The following CEP350 variants were observed in gnomAD, a reference collection of about 807,000 sequenced individuals.
The protein encoded by CEP350 is centrosomal protein 350, also known as centrosome-associated protein 350.
In CEP350, 126 loss-of-function variants were observed where a neutral mutation model predicts 331.8. The ratio of observed to expected loss-of-function variants is 0.38; its 90% CI spans 0.33 to 0.44. The LOEUF (loss-of-function observed/expected upper bound fraction) is 0.44, where lower values mean the gene tolerates loss of function less well. CEP350 is among the 20% of genes least tolerant of loss of function. The probability of loss-of-function intolerance (pLI) is 1.00; values close to 1 mark genes in which losing one functional copy is unlikely to be tolerated. For missense variants in CEP350, 3,406 were observed against 3,634.6 expected (o/e 0.94, Z 1.62); for synonymous variants, 1,200 against 1,259.5 (o/e 0.95, Z 1.00).
chr1:180,038,417 G>A (rs1359929115), intron 17 of CEP350, among the ~76,000 whole-genome samples: 1 of 152,150 alleles, frequency 6.6e-6, no homozygotes, highest in Non-Finnish European at 1.5e-5. Context: ...ACCTAGGAGT[G>A]GAATTGCTTG....
intron 7 of CEP350, among the ~76,000 whole-genome samples, chr1:180,004,902 GCTTGCTTTCTTTCTTT>G (rs1403993335): frequency 4.8e-5 from 6 of 125,502 alleles, no homozygotes; most frequent in African/African-American, 1.7e-4. Context: ...TTGCTTGCTT[GCTTGCTTTCTTTCTTT>G]CTTTCTTTCT....
At position 180,019,939 on chromosome 1, in the gene CEP350, TC is replaced by T. The variant is rs1571876569; in HGVS notation, c.2175-9del. ...TTAGTTAACTAACATATTGTGACTT[TC>T]ATTTCCAGAAAAGACTTGATGGAAT... On this transcript the variant is annotated splice_polypyrimidine_tract_variant and intron_variant, in intron 11 of 37. Transcript: ENST00000367607. The T allele has an allele frequency of 6.4e-7, 1 of 1,559,046 alleles. No homozygotes were observed.
chr1:180,024,825 A>G (rs1433942673), intron 14 of CEP350, among the ~76,000 whole-genome samples: 1 of 147,244 alleles, frequency 6.8e-6, no homozygotes, highest in Non-Finnish European at 1.5e-5. Context: ...ACACTCTTCA[A>G]AGAAAGACAA....
chr1:180,062,227 TA>T lies in CEP350; in HGVS notation c.5274del (p.Lys1758AsnfsTer16). On this transcript the variant is annotated frameshift_variant, in exon 26 of 38. Transcript: ENST00000367607. LOFTEE classifies it high-confidence loss of function. ...LLRLQQEKAE[I>X]KRLQEANKAA... ...TAACTCTTTAAACCTTAGGCAGAAATAAAACGTCTTCAAGAAGCCAATAAGG... is the reference window on the plus strand; with the variant it reads ...TAACTCTTTAAACCTTAGGCAGAAATAAACGTCTTCAAGAAGCCAATAAGG... 1 of 1,608,878 alleles carries T rather than the reference TA, an allele frequency of 6.2e-7. No individual in the cohort carries two copies. Among genetic ancestry groups the T allele is most frequent in the South Asian group, 1.1e-5 (1 of 90,034 alleles).
chr1:180,020,394 A>C lies in CEP350; in HGVS notation c.2620A>C (p.Thr874Pro). 1.9e-6 allele frequency: 3 copies of C among 1,613,866 alleles called. No homozygotes were observed. The highest frequency in any genetic ancestry group is 2.5e-6 in the Non-Finnish European group (3 of 1,179,904). The change falls in exon 12 of 38, where the codon ACC becomes CCC. Residue 874 changes from threonine to proline, a missense_variant. Thr to Pro is a conservative substitution (Grantham distance 38). Coordinates refer to ENST00000367607, the MANE Select transcript of CEP350 (RefSeq NM_014810.5). ...QQAPQEDGPW[T>P]KAVTPPVKDD... Reference sequence around the variant, plus strand: ...GGCACCTCAAGAAGATGGACCTTGGACCAAGGCTGTAACTCCACCTGTGAA... The same window carrying C: ...GGCACCTCAAGAAGATGGACCTTGGCCCAAGGCTGTAACTCCACCTGTGAA...
intron 1 of CEP350, among the ~76,000 whole-genome samples, chr1:179,963,341 T>G (rs768849471): frequency 2.4e-4 from 37 of 152,172 alleles, no homozygotes; most frequent in Non-Finnish European, 3.2e-4. Flanking sequence ...ATTTTTGTTT[T>G]GTTGCATTTG....
rs771875298 is a variant in CEP350 at position 180,080,678 on chromosome 1, G to C, written c.6124+17G>C. On this transcript the variant is annotated intron_variant, in intron 30 of 37. Coordinates refer to ENST00000367607, the MANE Select transcript of CEP350 (RefSeq NM_014810.5). ...CACAGTCAGGTAAGACTAATCATGA[G>C]GAGTTTTTATTTGTGTTGTATTTGA... The C allele has an allele frequency of 1.9e-6, 3 of 1,609,868 alleles. No homozygotes were observed. In the South Asian group the frequency reaches 3.3e-5, roughly 18 times the overall value.
intron 18 of CEP350, 123 bp downstream of exon 18, chr1:180,041,371 C>CTT: frequency 1.4e-6 from 1 of 726,614 alleles, no homozygotes; most frequent in Non-Finnish European, 2.2e-6. Flanking sequence ...AGTTTTAGTA[C>CTT]TTTTTATGGG....
At chr1:180,025,377 A>C (rs1226559107) in intron 14 of CEP350, among the ~76,000 whole-genome samples, 1 of 152,162 alleles carries the variant, frequency 6.6e-6, no homozygotes, top group Non-Finnish European at 1.5e-5. Flanking sequence ...AAGGGAGATA[A>C]TGTATACATT....
intron 5 of CEP350, among the ~76,000 whole-genome samples, chr1:179,992,546 G>A (rs1348776076): frequency 6.6e-6 from 1 of 151,670 alleles, no homozygotes; most frequent in Non-Finnish European, 1.5e-5. Context: ...TTTTTGTTTC[G>A]TCTTAATATC....
intron 14 of CEP350, among the ~76,000 whole-genome samples, chr1:180,025,026 G>A (rs1016083003): frequency 2.0e-5 from 3 of 151,378 alleles, no homozygotes; most frequent in African/African-American, 7.3e-5. Flanking sequence ...CCAGGTTCAT[G>A]CCATTCTCCT....
At chr1:180,022,085 T>C (rs1013879800) in intron 12 of CEP350, among the ~76,000 whole-genome samples, 1 of 152,228 alleles carries the variant, frequency 6.6e-6, no homozygotes, top group Non-Finnish European at 1.5e-5. Flanking sequence ...ATCACATTGC[T>C]TTTTCCTAGA....
chr1:180,048,672 A>T lies in CEP350; in HGVS notation c.4759A>T (p.Ser1587Cys). The T allele has an allele frequency of 6.2e-7, 1 of 1,612,578 alleles. No homozygotes were observed. Among genetic ancestry groups the T allele is most frequent in the Non-Finnish European group, 8.5e-7 (1 of 1,179,248 alleles). ...GACTGCTGCAGATGATTCTCTACGA[A>T]GTGATAGTGTTCCATCTCTTCCTGA... ...VQTAADDSLR[S>C]DSVPSLPDEK... Residue 1587 changes from serine to cysteine, a missense_variant, in exon 22 of 38, where the codon AGT becomes TGT. Transcript: ENST00000367607.
rs571456057 is a variant in CEP350, at chr1:180,025,667, G to A, written c.3550+1085G>A. Among the ~76,000 whole-genome samples, 5 of 152,222 alleles carry A rather than the reference G, an allele frequency of 3.3e-5. No homozygotes were observed. The East Asian group carries it at 9.7e-4, about 29-fold the overall frequency. On this transcript the variant is annotated intron_variant, in intron 14 of 37. Transcript: ENST00000367607. Reference sequence around the variant, plus strand: ...ACAGGAACAGAAAACCAAACACCGCGTGTTCTCACTCATAAGTGGGAGTTG... The same window carrying A: ...ACAGGAACAGAAAACCAAACACCGCATGTTCTCACTCATAAGTGGGAGTTG...
At chr1:180,039,884 A>G (rs1314931660) in intron 17 of CEP350, among the ~76,000 whole-genome samples, 1 of 152,020 alleles carries the variant, frequency 6.6e-6, no homozygotes, top group Admixed American at 6.6e-5. Context: ...ACATCTTAAC[A>G]GTGTTGCCTT....
intron 1 of CEP350, among the ~76,000 whole-genome samples, chr1:179,961,948 C>T (rs1420590436): frequency 1.3e-5 from 2 of 151,796 alleles, no homozygotes; most frequent in African/African-American, 2.4e-5. Context: ...CAGGTTTAAG[C>T]GATTCTCCTG....
chr1:180,087,236 A>G lies in CEP350; in HGVS notation c.6286-342A>G, dbSNP rs147055599. 1.1e-3 allele frequency: 181 copies of G among 159,544 alleles called. 1 individual carries two copies. Among genetic ancestry groups the G allele is most frequent in the Admixed American group, 7.2e-3 (112 of 15,644 alleles). 9.9% of individuals were successfully genotyped at this position (159,544 alleles called of 1,614,324 possible). ...TGACTAACTTCTTAAAGATACCATG[A>G]AAGTAATAGTACACTCTTTAGAGAA... On this transcript the variant is annotated intron_variant, in intron 31 of 37. Transcript: ENST00000367607.
At chr1:180,090,862 A>G in intron 33 of CEP350, 66 bp downstream of exon 33, 2 of 1,309,354 alleles carry the variant, frequency 1.5e-6, no homozygotes, top group Non-Finnish European at 2.0e-6. Flanking sequence ...AAAGGCCTAC[A>G]AAATTCTACC....
At chr1:180,092,208 G>A (rs1251368677) in intron 33 of CEP350, among the ~76,000 whole-genome samples, 1 of 152,148 alleles carries the variant, frequency 6.6e-6, no homozygotes, top group Non-Finnish European at 1.5e-5. Context: ...GAAGCTCCTA[G>A]GAAAATGTAT....
Sources: allele counts gnomAD v4.1 joint callset (sites outside exome capture counted in the v4.1 genomes callset), GRCh38; gene constraint gnomAD v4.1.1; transcripts MANE v1.5; gene names NCBI Gene and HGNC (gene_info 2026-07-23, HGNC 2026-07-21).